Variants in ROR1 observed in about 807,000 individuals in gnomAD.
ROR1 encodes the protein ROR family WNT receptor 1.
In ROR1, 19 loss-of-function variants were observed where a neutral mutation model predicts 78.8. The ratio of observed to expected loss-of-function variants is 0.24; its 90% confidence interval spans 0.17 to 0.35. The LOEUF is 0.35. Among genes scored for constraint, ROR1 ranks in the 10% least tolerant of loss-of-function variants. The pLI is 1.00. For synonymous variants in ROR1, 386 were observed against 433.6 expected (o/e 0.89, Z 1.36); for missense variants, 917 against 1,177.8 (o/e 0.78, Z 3.24).
chr1:63,924,510 G>A (rs757033621), intron 1 of ROR1, among the ~76,000 whole-genome samples: 14 of 152,118 alleles, frequency 9.2e-5, no homozygotes, highest in East Asian at 1.9e-4. Context: ...AGAATCACTC[G>A]TCTTCAGAGC....
At chr1:63,988,707 C>T (rs1172161098) in intron 1 of ROR1, among the ~76,000 whole-genome samples, 1 of 152,162 alleles carries the variant, frequency 6.6e-6, no homozygotes, top group Non-Finnish European at 1.5e-5. Context: ...TTTGACTAGT[C>T]TATGTGCCAC....
At chr1:64,066,093 T>C (rs983439088) in intron 4 of ROR1, among the ~76,000 whole-genome samples, 6 of 152,200 alleles carry the variant, frequency 3.9e-5, no homozygotes, top group African/African-American at 1.4e-4. Flanking sequence ...ATTACTTCAG[T>C]GGATGGCCTG....
intron 1 of ROR1, among the ~76,000 whole-genome samples, chr1:63,993,959 T>G (rs1225170209): frequency 6.6e-6 from 1 of 152,232 alleles, no homozygotes; most frequent in African/African-American, 2.4e-5. Context: ...GTTGTACCAA[T>G]TTATGCTGCT....
At chr1:64,042,535 C>T (rs972742718) in intron 2 of ROR1, among the ~76,000 whole-genome samples, 3 of 152,156 alleles carry the variant, frequency 2.0e-5, no homozygotes, top group Non-Finnish European at 2.9e-5. Context: ...CCGGTGAGAA[C>T]TAAGATCCAG....
chr1:64,045,918 A>C (rs1646779397), intron 2 of ROR1, among the ~76,000 whole-genome samples: 1 of 152,198 alleles, frequency 6.6e-6, no homozygotes, highest in Admixed American at 6.5e-5. Context: ...TGACATTTGC[A>C]GTCTAGGGAA....
At chr1:64,159,221 G>T in intron 8 of ROR1, 29 bp downstream of exon 8, 3 of 1,536,250 alleles carry the variant, frequency 2.0e-6, no homozygotes, top group Non-Finnish European at 2.7e-6. Context: ...AGCTACATTT[G>T]TTCCGTGGGC....
At chr1:63,987,035 A>G (rs920088619) in intron 1 of ROR1, among the ~76,000 whole-genome samples, 2 of 152,210 alleles carry the variant, frequency 1.3e-5, no homozygotes, top group Admixed American at 6.5e-5. Flanking sequence ...TTAGGTCTTA[A>G]ATTTTGGGTT....
chr1:63,897,507 T>A (rs913654743), intron 1 of ROR1, among the ~76,000 whole-genome samples: 1 of 152,218 alleles, frequency 6.6e-6, no homozygotes, highest in African/African-American at 2.4e-5. Context: ...AAGTGTTTAC[T>A]GTTTTCCACA....
chr1:64,092,034 G>A (rs1485842429), intron 4 of ROR1, among the ~76,000 whole-genome samples: 2 of 151,944 alleles, frequency 1.3e-5, no homozygotes, highest in East Asian at 1.9e-4. Context: ...ACAATTTTGG[G>A]TGTGGGTTTA....
At chr1:64,092,461 T>C (rs1197525795) in intron 4 of ROR1, among the ~76,000 whole-genome samples, 2 of 152,254 alleles carry the variant, frequency 1.3e-5, no homozygotes, top group East Asian at 3.9e-4. Flanking sequence ...TAATGAGTGA[T>C]TTTTAAACTG....
chr1:63,919,216 T>G (rs1383168922), intron 1 of ROR1, among the ~76,000 whole-genome samples: 1 of 152,156 alleles, frequency 6.6e-6, no homozygotes, highest in African/African-American at 2.4e-5. Context: ...TATTGACACA[T>G]TGAGAAAAAA....
chr1:63,880,188 G>A (rs1217909412), intron 1 of ROR1, among the ~76,000 whole-genome samples: 4 of 152,154 alleles, frequency 2.6e-5, no homozygotes, highest in African/African-American at 7.2e-5. Flanking sequence ...CATGTATAAT[G>A]CTGAGAACAG....
intron 1 of ROR1, among the ~76,000 whole-genome samples, chr1:63,893,409 A>C (rs1260828356): frequency 2.6e-5 from 4 of 152,094 alleles, no homozygotes; most frequent in Non-Finnish European, 5.9e-5. Context: ...GGGATAAAAG[A>C]GGGGGGTAAA....
intron 4 of ROR1, among the ~76,000 whole-genome samples, chr1:64,070,208 T>G (rs57016735): frequency 0.14 from 21,343 of 152,212 alleles, 1,592 homozygotes; most frequent in Middle Eastern, 0.19. Flanking sequence ...TTCATCCATG[T>G]TGTGACCTGT....
In ROR1 at chr1:63,978,255, T is replaced by C. The variant is rs1570005516; in HGVS notation, c.92-31050T>C. On this transcript the variant is annotated intron_variant, in intron 1 of 8. Transcript: ENST00000371079. ...CTATGGAAAAGTTATCAGTTTGATG[T>C]TTATTAAATGATTTGTTTCAGGAGA... Among the ~76,000 whole-genome samples the C allele has an allele frequency of 2.0e-5, 3 of 152,350 alleles. No individual in the cohort carries two copies. The South Asian group carries it at 6.2e-4, about 32-fold the overall frequency.
intron 1 of ROR1, chr1:63,843,468 A>C: frequency 1.3e-6 from 1 of 761,826 alleles, no homozygotes; most frequent in Admixed American, 1.8e-5. Context: ...ATCTGGCAGC[A>C]TCCTGACAAA....
chr1:63,950,651 C>T (rs1419147743), intron 1 of ROR1, among the ~76,000 whole-genome samples: 1 of 152,148 alleles, frequency 6.6e-6, no homozygotes, highest in Non-Finnish European at 1.5e-5. Context: ...CTCATTTTAC[C>T]CAATGCCTAT....
chr1:63,933,203 G>A (rs1191327613), intron 1 of ROR1, among the ~76,000 whole-genome samples: 2 of 152,204 alleles, frequency 1.3e-5, no homozygotes, highest in East Asian at 1.9e-4. Context: ...GAGAGACAGG[G>A]CAGCATAGTA....
chr1:64,044,255 G>A (rs1447043922), intron 2 of ROR1, among the ~76,000 whole-genome samples: 1 of 152,156 alleles, frequency 6.6e-6, no homozygotes, highest in Non-Finnish European at 1.5e-5. Context: ...GGCAGCTATG[G>A]AGTGTGATGG....
Sources: allele counts gnomAD v4.1 joint callset (sites outside exome capture counted in the v4.1 genomes callset), GRCh38; gene constraint gnomAD v4.1.1; transcripts MANE v1.5; gene names NCBI Gene and HGNC (gene_info 2026-07-23, HGNC 2026-07-21).